The following PPFIBP1 variants were observed in gnomAD, a reference collection of about 807,000 sequenced individuals.
The protein encoded by PPFIBP1 is liprin-beta-1.
PPFIBP1 carries 112 observed loss-of-function variants against 137.8 expected under a neutral mutation model. The ratio of observed to expected loss-of-function variants is 0.81; its 90% CI spans 0.70 to 0.95. The LOEUF (loss-of-function observed/expected upper bound fraction) is 0.95, where lower values mean the gene tolerates loss of function less well. Among genes scored for constraint, PPFIBP1 ranks in the 40% least tolerant of loss-of-function variants. The pLI, the probability that PPFIBP1 is intolerant of heterozygous loss-of-function variation, is 0.00. For missense variants in PPFIBP1, 1,083 were observed against 1,196.6 expected (o/e 0.91, Z 1.40); for synonymous variants, 378 against 417.3 (o/e 0.91, Z 1.15).
chr12:27,576,589 C>T (rs112525312), intron 1 of PPFIBP1, among the ~76,000 whole-genome samples: 2,669 of 152,250 alleles, frequency 0.018, 38 homozygotes, highest in South Asian at 0.034. Flanking sequence ...TGCTCAGACC[C>T]GGACTGACCT....
intron 21 of PPFIBP1, 72 bp from the exon 22 acceptor site, chr12:27,681,471 AGTT>A: frequency 6.7e-7 from 1 of 1,487,624 alleles, no homozygotes; most frequent in Non-Finnish European, 9.3e-7. Context: ...TTGAATGTAT[AGTT>A]GTTTAAAACT....
At chr12:27,604,767 C>T (rs1305139392) in intron 2 of PPFIBP1, among the ~76,000 whole-genome samples, 1 of 152,166 alleles carries the variant, frequency 6.6e-6, no homozygotes, top group Non-Finnish European at 1.5e-5. Context: ...TCTGTTTTCA[C>T]ACTGCTGATA....
chr12:27,647,290 C>T (rs529557750), intron 5 of PPFIBP1, among the ~76,000 whole-genome samples: 20 of 152,146 alleles, frequency 1.3e-4, no homozygotes, highest in African/African-American at 1.7e-4. Flanking sequence ...CGTGAGCCAC[C>T]GTGCATGCTA....
At chr12:27,685,352 G>A in intron 24 of PPFIBP1, among the ~76,000 whole-genome samples, 1 of 151,748 alleles carries the variant, frequency 6.6e-6, no homozygotes, top group East Asian at 1.9e-4. Context: ...TTTTTTACAT[G>A]TATAAAGGAA....
At chr12:27,595,756 AG>A (rs1404602821) in intron 2 of PPFIBP1, among the ~76,000 whole-genome samples, 1 of 151,824 alleles carries the variant, frequency 6.6e-6, no homozygotes, top group African/African-American at 2.4e-5. Flanking sequence ...CAGGAGGCTG[AG>A]GCAGGAGAAT....
intron 7 of PPFIBP1, among the ~76,000 whole-genome samples, chr12:27,651,495 G>A (rs1404387616): frequency 1.3e-5 from 2 of 152,142 alleles, no homozygotes; most frequent in Non-Finnish European, 2.9e-5. Flanking sequence ...ACAGGACTTA[G>A]AAAGTTACCC....
At chr12:27,621,648 C>T (rs1050826121) in intron 2 of PPFIBP1, among the ~76,000 whole-genome samples, 1 of 152,186 alleles carries the variant, frequency 6.6e-6, no homozygotes, top group Non-Finnish European at 1.5e-5. Flanking sequence ...ATTCCTCTTA[C>T]TGTATGGCCA....
intron 4 of PPFIBP1, among the ~76,000 whole-genome samples, chr12:27,645,487 A>G (rs2058408668): frequency 6.6e-6 from 1 of 152,206 alleles, no homozygotes; most frequent in South Asian, 2.1e-4. Context: ...AAGAAATAGT[A>G]AGCATCAATA....
intron 5 of PPFIBP1, among the ~76,000 whole-genome samples, chr12:27,647,247 C>T (rs10842965): frequency 0.54 from 82,197 of 151,982 alleles, 22,819 homozygotes; most frequent in East Asian, 0.84. Flanking sequence ...GTGATCTGCC[C>T]GCCTCAGCCT....
intron 19 of PPFIBP1, chr12:27,678,104 A>G (rs995146641): frequency 1.7e-4 from 26 of 152,232 alleles, no homozygotes; most frequent in African/African-American, 6.0e-4. Flanking sequence ...TTGTAGAAAA[A>G]TCAACTTTCT....
chr12:27,553,335 T>C (rs1272058401), intron 1 of PPFIBP1, among the ~76,000 whole-genome samples: 1 of 152,204 alleles, frequency 6.6e-6, no homozygotes, highest in African/African-American at 2.4e-5. Flanking sequence ...ACACTCTGGA[T>C]GAATGCTGTT....
At position 27,682,510 on chromosome 12, in the gene PPFIBP1, T is replaced by G; in HGVS notation, c.2158+12T>G. On this transcript the variant is annotated intron_variant, in intron 23 of 29. Transcript: ENST00000228425. The stretch of plus-strand genomic sequence containing the variant: ...CAACTGGGTCACTAGTAAGAAGTTT[T>G]TATTCTAACAAAATGAAATAATTAT... 3 of 1,607,792 alleles carry G rather than the reference T, an allele frequency of 1.9e-6. No homozygotes were observed. Among genetic ancestry groups the G allele is most frequent in the Non-Finnish European group, 2.6e-6 (3 of 1,175,398 alleles).
intron 1 of PPFIBP1, among the ~76,000 whole-genome samples, chr12:27,530,566 G>A (rs1944304167): frequency 6.6e-6 from 1 of 152,200 alleles, no homozygotes; most frequent in South Asian, 2.1e-4. Flanking sequence ...AGGATGACTT[G>A]CACTTCATGT....
At chr12:27,576,748 G>A (rs1373497052) in intron 1 of PPFIBP1, among the ~76,000 whole-genome samples, 1 of 152,134 alleles carries the variant, frequency 6.6e-6, no homozygotes. Context: ...TGGTAACATT[G>A]ATTGTTTCAG....
chr12:27,535,974 T>C (rs150494139), intron 1 of PPFIBP1, among the ~76,000 whole-genome samples: 315 of 152,340 alleles, frequency 2.1e-3, no homozygotes, highest in African/African-American at 7.3e-3. Flanking sequence ...GGTTGGCTAA[T>C]ATGGTTAAGT....
chr12:27,652,436 A>G (rs2058931177), intron 7 of PPFIBP1, among the ~76,000 whole-genome samples: 1 of 152,244 alleles, frequency 6.6e-6, no homozygotes, highest in African/African-American at 2.4e-5. Flanking sequence ...GAAAGGGAAC[A>G]GGAATTTTCT....
At chr12:27,546,124 G>A (rs1369000710) in intron 1 of PPFIBP1, among the ~76,000 whole-genome samples, 1 of 152,194 alleles carries the variant, frequency 6.6e-6, no homozygotes, top group Admixed American at 6.5e-5. Flanking sequence ...CACAAAGGGA[G>A]GAGGGAGCCA....
chr12:27,579,637 T>C (rs1473528568), intron 2 of PPFIBP1, among the ~76,000 whole-genome samples: 1 of 152,240 alleles, frequency 6.6e-6, no homozygotes, highest in Non-Finnish European at 1.5e-5. Context: ...GTATACCTAT[T>C]TTACAGTTGC....
intron 2 of PPFIBP1, among the ~76,000 whole-genome samples, chr12:27,615,668 GA>G (rs1434035709): frequency 1.3e-5 from 2 of 152,230 alleles, no homozygotes; most frequent in Admixed American, 6.5e-5. Context: ...TACAAACAAG[GA>G]AAATGAAGCC....
Sources: allele counts gnomAD v4.1 joint callset (sites outside exome capture counted in the v4.1 genomes callset), GRCh38; gene constraint gnomAD v4.1.1; transcripts MANE v1.5; gene names NCBI Gene and HGNC (gene_info 2026-07-23, HGNC 2026-07-21).